The following ATG16L2 variants were observed in gnomAD, a reference collection of about 807,000 sequenced individuals.
ATG16L2 encodes autophagy related 16 like 2.
In ATG16L2, 77 loss-of-function variants were observed where a neutral mutation model predicts 84.7. That is an observed-to-expected ratio of 0.91 (90% confidence interval 0.76 to 1.10). The LOEUF (loss-of-function observed/expected upper bound fraction) is 1.10. Among genes scored for constraint, ATG16L2 ranks in the 50% least tolerant of loss-of-function variants. ATG16L2 has a pLI of 0.00. For synonymous variants in ATG16L2, 361 were observed against 342.8 expected (o/e 1.05, Z -0.59); for missense variants, 782 against 817.6 (o/e 0.96, Z 0.53).
downstream of ATG16L2, among the ~76,000 whole-genome samples, chr11:72,833,905 G>A (rs930419497): frequency 1.3e-5 from 2 of 149,946 alleles, no homozygotes; most frequent in Non-Finnish European, 1.5e-5. Context: ...CCTGGGTGAC[G>A]AGCGAAACTC....
downstream of ATG16L2, among the ~76,000 whole-genome samples, chr11:72,833,106 C>T (rs1378408411): frequency 5.3e-5 from 8 of 152,222 alleles, no homozygotes; most frequent in Non-Finnish European, 1.0e-4. Flanking sequence ...ATCTCTCAGT[C>T]CCTGGCTTCA....
rs1355608676 is a variant in ATG16L2, at chr11:72,824,128, T to C, written c.887+6T>C. ...GTGGTGAAGGGGCTTCTGGAGTAAG[T>C]GTGTGTGTGCCTGTGTGTGCACCCA... On this transcript the variant is annotated splice_donor_region_variant and intron_variant, in intron 8 of 17. Transcript: ENST00000321297. 1.9e-6 allele frequency: 3 copies of C among 1,613,632 alleles called. No homozygotes were observed. Among genetic ancestry groups the C allele is most frequent in the Admixed American group, 3.3e-5 (2 of 60,006 alleles).
downstream of ATG16L2, chr11:72,843,679 CATA>C: frequency 1.6e-6 from 1 of 618,588 alleles, no homozygotes. Flanking sequence ...GTAAAACTTT[CATA>C]ATGAGGTGAA....
At chr11:72,827,093 C>G in intron 13 of ATG16L2, 95 bp from the exon 14 acceptor site, 2 of 1,025,924 alleles carry the variant, frequency 1.9e-6, no homozygotes, top group Non-Finnish European at 2.9e-6. Flanking sequence ...CTTGGGAGGA[C>G]ACTGGGTTCT....
chr11:72,833,377 G>A (rs1408013699), downstream of ATG16L2, among the ~76,000 whole-genome samples: 3 of 152,160 alleles, frequency 2.0e-5, no homozygotes, highest in Non-Finnish European at 4.4e-5. Flanking sequence ...TCATCCTCCT[G>A]GATCTTAGAA....
chr11:72,821,821 T>G (rs1860011350), intron 4 of ATG16L2, 80 bp downstream of exon 4: 1 of 1,490,510 alleles, frequency 6.7e-7, no homozygotes, highest in African/African-American at 1.4e-5. Flanking sequence ...GCGGGGGGAA[T>G]GGCGCGGGCC....
intron 14 of ATG16L2, 102 bp downstream of exon 14, chr11:72,827,395 C>T (rs1310998769): frequency 2.0e-6 from 2 of 991,016 alleles, no homozygotes; most frequent in Non-Finnish European, 3.1e-6. Flanking sequence ...CTTGGTGGCA[C>T]TTTGGGCAGG....
intron 10 of ATG16L2, among the ~76,000 whole-genome samples, chr11:72,825,739 C>T (rs547002915): frequency 6.6e-6 from 1 of 152,172 alleles, no homozygotes; most frequent in African/African-American, 2.4e-5. Context: ...ACCAGGTGAC[C>T]CTCTTCTAGC....
At chr11:72,820,902 C>G (rs1187587405) in intron 3 of ATG16L2, among the ~76,000 whole-genome samples, 1 of 152,196 alleles carries the variant, frequency 6.6e-6, no homozygotes, top group African/African-American at 2.4e-5. Flanking sequence ...ACCCACTCTC[C>G]TGGGCTGCCA....
chr11:72,823,573 C>A, intron 7 of ATG16L2: 1 of 425,734 alleles, frequency 2.3e-6, no homozygotes, highest in Non-Finnish European at 4.7e-6. Flanking sequence ...GGTGTCCAGG[C>A]CTTGGGGCAG....
intron 2 of ATG16L2, among the ~76,000 whole-genome samples, chr11:72,817,523 G>A (rs891845378): frequency 2.0e-5 from 3 of 152,230 alleles, no homozygotes; most frequent in East Asian, 3.8e-4. Flanking sequence ...CTGACTGGGA[G>A]GTGCTTCTTG....
intron 4 of ATG16L2, 84 bp downstream of exon 4, chr11:72,821,825 G>C: frequency 6.7e-7 from 1 of 1,487,514 alleles, no homozygotes; most frequent in Non-Finnish European, 8.9e-7. Context: ...GGGGAATGGC[G>C]CGGGCCGAGA....
chr11:72,830,071 G>A (rs941467659), downstream of ATG16L2, among the ~76,000 whole-genome samples: 1 of 152,172 alleles, frequency 6.6e-6, no homozygotes, highest in Non-Finnish European at 1.5e-5. Flanking sequence ...CTTCCTCCAG[G>A]GGTAGTGCCC....
chr11:72,825,998 A>G (rs1366395491), intron 10 of ATG16L2, among the ~76,000 whole-genome samples, 175 bp from the exon 11 acceptor site: 1 of 152,142 alleles, frequency 6.6e-6, no homozygotes, highest in South Asian at 2.1e-4. Flanking sequence ...GCCAGCAGTT[A>G]GGGGAGGTGT....
intron 5 of ATG16L2, chr11:72,836,965 A>C (rs1860747387): frequency 6.6e-6 from 1 of 152,550 alleles, no homozygotes; most frequent in South Asian, 2.1e-4. Context: ...TCTTCCAAAA[A>C]ATATTTTAAA....
intron 4 of ATG16L2, 147 bp downstream of exon 4, chr11:72,821,888 C>T (rs1860015019): frequency 1.4e-6 from 2 of 1,420,156 alleles, no homozygotes; most frequent in South Asian, 1.5e-5. Context: ...GACCGAACGG[C>T]TGGGCTCTGA....
downstream of ATG16L2, among the ~76,000 whole-genome samples, chr11:72,834,560 C>G (rs2135135272): frequency 6.6e-6 from 1 of 151,750 alleles, no homozygotes; most frequent in South Asian, 2.1e-4. Context: ...TTAGATAAGC[C>G]CTGGGAGATA....
At chr11:72,823,127 A>G in intron 7 of ATG16L2, 166 bp downstream of exon 7, 1 of 577,592 alleles carries the variant, frequency 1.7e-6, no homozygotes, top group South Asian at 2.1e-5. Flanking sequence ...CATTGTCTGG[A>G]GCCACTTGGG....
rs1219354879 is a variant in ATG16L2, at chr11:72,826,821, A to G, written c.1364A>G (p.Tyr455Cys). 4 of 1,613,236 alleles carry G rather than the reference A, an allele frequency of 2.5e-6. No individual in the cohort carries two copies. Among genetic ancestry groups the G allele is most frequent in the Non-Finnish European group, 3.4e-6 (4 of 1,179,832 alleles). Residue 455 changes from tyrosine (Y) to cysteine (C), a missense_variant and splice_region_variant, in exon 13 of 18, where the codon TAT (tyrosine) becomes TGT (cysteine). Tyr to Cys is a radical substitution (Grantham distance 194, BLOSUM62 -2). Transcript: ENST00000321297. ...TVKEWDLGRA[Y>C]CSRTINVLSY... ...AAGGAGTGGGACCTCGGCCGTGCCT[A>G]TTGTGAGCCCGAGCCCCAGCCCCAC...
Sources: allele counts gnomAD v4.1 joint callset (sites outside exome capture counted in the v4.1 genomes callset), GRCh38; gene constraint gnomAD v4.1.1; transcripts MANE v1.5; gene names NCBI Gene and HGNC (gene_info 2026-07-23, HGNC 2026-07-21).